Variants in CNTN4 observed in about 807,000 individuals in gnomAD.
CNTN4 encodes contactin-4.
CNTN4 carries 77 observed loss-of-function variants against 122.5 expected under a neutral mutation model. That is an observed-to-expected ratio of 0.63 (90% CI 0.52 to 0.76). The LOEUF (loss-of-function observed/expected upper bound fraction) is 0.76. Ranked by LOEUF, CNTN4 falls within the 30% of genes least tolerant of loss-of-function variation. CNTN4 has a pLI of 0.00. For synonymous variants in CNTN4, 512 were observed against 447.0 expected (o/e 1.15, Z -1.83); for missense variants, 1,256 against 1,259.1 (o/e 1.00, Z 0.04).
At chr3:2,557,547 G>A (rs567399147) in intron 3 of CNTN4, among the ~76,000 whole-genome samples, 2 of 152,260 alleles carry the variant, frequency 1.3e-5, no homozygotes, top group Admixed American at 1.3e-4. Flanking sequence ...CTAACACGGT[G>A]AAACCCCATC....
intron 12 of CNTN4, among the ~76,000 whole-genome samples, chr3:2,905,841 A>G (rs1273873691): frequency 1.3e-5 from 2 of 152,244 alleles, no homozygotes; most frequent in Non-Finnish European, 2.9e-5. Context: ...AATAGTCCAG[A>G]TCAGAATGAA....
chr3:2,621,886 G>T (rs1227693233), intron 4 of CNTN4, among the ~76,000 whole-genome samples: 5 of 152,146 alleles, frequency 3.3e-5, no homozygotes, highest in Middle Eastern at 3.4e-3. Context: ...GTTCTCTCTG[G>T]GATCTTTTGT....
At chr3:2,822,398 G>A (rs1018992666) in intron 7 of CNTN4, among the ~76,000 whole-genome samples, 4 of 152,078 alleles carry the variant, frequency 2.6e-5, no homozygotes, top group African/African-American at 7.2e-5. Context: ...CTCGATAAGG[G>A]CTAAACATCT....
chr3:2,672,013 A>G lies in CNTN4; in HGVS notation c.56-64202A>G, dbSNP rs959902325. On this transcript the variant is annotated intron_variant, in intron 4 of 24. Coordinates refer to ENST00000418658, the MANE Select transcript of CNTN4 (RefSeq NM_175607.3). ...AGGAGCACCGGCCATGTGAGGTGTC[A>G]GTCTGCCCCTACTGGGGGGTGCCTC... Among the ~76,000 whole-genome samples the G allele has an allele frequency of 1.1e-4, 16 of 152,318 alleles. No individual in the cohort carries two copies. The East Asian group carries it at 2.3e-3, about 22-fold the overall frequency.
chr3:2,878,623 A>G (rs1341552419), intron 8 of CNTN4, among the ~76,000 whole-genome samples: 5 of 151,078 alleles, frequency 3.3e-5, no homozygotes, highest in Non-Finnish European at 4.4e-5. Context: ...AGCTAGCTAT[A>G]AAGATGATAG....
intron 4 of CNTN4, among the ~76,000 whole-genome samples, chr3:2,667,773 G>A (rs6805415): frequency 0.39 from 51,220 of 131,644 alleles, 11,213 homozygotes; most frequent in South Asian, 0.51. Flanking sequence ...TTTGTATAAG[G>A]TGTAAGGAAG....
At chr3:2,932,913 C>G (rs1458733777) in intron 13 of CNTN4, among the ~76,000 whole-genome samples, 1 of 152,048 alleles carries the variant, frequency 6.6e-6, no homozygotes, top group Non-Finnish European at 1.5e-5. Context: ...AGCTCCGCCT[C>G]CCGGGTTCAC....
In CNTN4 at chr3:2,178,689, C is replaced by T. The variant is rs182765008; in HGVS notation, c.-145+78050C>T. Among the ~76,000 whole-genome samples, 379 of 152,154 alleles carry T rather than the reference C, an allele frequency of 2.5e-3. 1 individual carries two copies. Among genetic ancestry groups the T allele is most frequent in the African/African-American group, 8.7e-3 (361 of 41,546 alleles). On this transcript the variant is annotated intron_variant, in intron 2 of 24. Transcript: ENST00000418658. ...ATTGAAATTCTATAGGCCCATCACT[C>T]ATTGTGTGTGTGATCTTAAGACATT...
intron 2 of CNTN4, among the ~76,000 whole-genome samples, chr3:2,175,194 C>T (rs1575004289): frequency 6.6e-6 from 1 of 152,162 alleles, no homozygotes; most frequent in Middle Eastern, 3.4e-3. Flanking sequence ...GTTCACTGTC[C>T]TATTTTAGGA....
chr3:2,360,963 G>A (rs979213783), intron 3 of CNTN4, among the ~76,000 whole-genome samples: 10 of 152,114 alleles, frequency 6.6e-5, no homozygotes, highest in Admixed American at 2.6e-4. Flanking sequence ...TTCCTCTAGC[G>A]TAATGAGTCA....
intron 3 of CNTN4, among the ~76,000 whole-genome samples, chr3:2,566,687 C>T (rs547595011): frequency 1.3e-5 from 2 of 152,314 alleles, no homozygotes; most frequent in African/African-American, 4.8e-5. Flanking sequence ...AGTGGACCTT[C>T]ACAGCACACT....
chr3:2,537,222 G>T (rs1472427905), intron 3 of CNTN4, among the ~76,000 whole-genome samples: 1 of 152,062 alleles, frequency 6.6e-6, no homozygotes, highest in East Asian at 1.9e-4. Context: ...ACAGACAGTT[G>T]GAATACTGTC....
chr3:2,731,764 TAAG>T (rs753334834), intron 4 of CNTN4, among the ~76,000 whole-genome samples: 2 of 152,196 alleles, frequency 1.3e-5, no homozygotes, highest in Non-Finnish European at 2.9e-5. Flanking sequence ...GTCACTCAAA[TAAG>T]AAGACATTCA....
At chr3:2,240,738 C>G (rs773162833) in intron 2 of CNTN4, among the ~76,000 whole-genome samples, 1 of 152,028 alleles carries the variant, frequency 6.6e-6, no homozygotes, top group African/African-American at 2.4e-5. Context: ...ACACTAACAT[C>G]ATTTTTAAAA....
At position 2,741,314 on chromosome 3, in the gene CNTN4, A is replaced by T. The variant is rs192651979; in HGVS notation, c.183-4208A>T. The stretch of plus-strand genomic sequence containing the variant: ...GTCTAATTCAGGATGGCGAAGGTAG[A>T]TGTCACTGAAGTCTTCACAGAAAAG... On this transcript the variant is annotated intron_variant, in intron 5 of 24. Transcript: ENST00000418658. 5.3e-5 allele frequency among the ~76,000 whole-genome samples: 8 copies of T among 152,342 alleles called. No individual in the cohort carries two copies. The East Asian group carries it at 1.3e-3, about 26-fold the overall frequency.
At chr3:2,232,788 C>G (rs2039539701) in intron 2 of CNTN4, among the ~76,000 whole-genome samples, 1 of 151,988 alleles carries the variant, frequency 6.6e-6, no homozygotes, top group South Asian at 2.1e-4. Context: ...TAATTGAGAT[C>G]AAGTTTTTTT....
At chr3:2,125,562 C>CTTTTTTT (rs201659840) in intron 2 of CNTN4, among the ~76,000 whole-genome samples, 1 of 124,010 alleles carries the variant, frequency 8.1e-6, no homozygotes, top group Non-Finnish European at 1.7e-5. Context: ...TTTTCTTTTT[C>CTTTTTTT]TTTTTTTTTT....
At chr3:3,008,872 T>C (rs1473216218) in intron 14 of CNTN4, 5 of 836,356 alleles carry the variant, frequency 6.0e-6, no homozygotes, top group Non-Finnish European at 2.9e-6. Context: ...CATTCGGGTT[T>C]CCCATTGTCC....
intron 9 of CNTN4, among the ~76,000 whole-genome samples, chr3:2,885,890 CTG>C (rs1284475254): frequency 1.3e-5 from 2 of 152,148 alleles, no homozygotes; most frequent in African/African-American, 4.8e-5. Context: ...GTCACTGAGA[CTG>C]TTATCTGGAA....
Sources: allele counts gnomAD v4.1 joint callset (sites outside exome capture counted in the v4.1 genomes callset), GRCh38; gene constraint gnomAD v4.1.1; transcripts MANE v1.5; gene names NCBI Gene and HGNC (gene_info 2026-07-23, HGNC 2026-07-21).